Variants in MACROD2 observed in about 807,000 individuals in gnomAD.
MACROD2 encodes ADP-ribose glycohydrolase MACROD2.
A neutral mutation model predicts 70.4 loss-of-function variants in MACROD2; 36 were observed. The ratio of observed to expected loss-of-function variants is 0.51; its 90% CI spans 0.39 to 0.68. The LOEUF (loss-of-function observed/expected upper bound fraction) is 0.68, where lower values mean the gene tolerates loss of function less well. MACROD2 is among the 30% of genes least tolerant of loss of function. The probability of loss-of-function intolerance (pLI) is 0.00; values close to 1 mark genes in which losing one functional copy is unlikely to be tolerated. For synonymous variants in MACROD2, 172 were observed against 178.8 expected (o/e 0.96, Z 0.30); for missense variants, 496 against 538.4 (o/e 0.92, Z 0.78).
At chr20:15,626,747 C>T (rs2049208383) in intron 8 of MACROD2, among the ~76,000 whole-genome samples, 2 of 151,972 alleles carry the variant, frequency 1.3e-5, no homozygotes, top group Admixed American at 1.3e-4. Flanking sequence ...CCCAGCTACT[C>T]AGGAGGCTGA....
intron 5 of MACROD2, among the ~76,000 whole-genome samples, chr20:14,818,825 GTTTTTTTTTTTTTTT>G (rs754477468): frequency 1.3e-5 from 1 of 78,376 alleles, no homozygotes; most frequent in African/African-American, 5.4e-5. Flanking sequence ...TCTTCCTTAG[GTTTTTTTTTTTTTTT>G]TTTTTTTTTT....
chr20:14,846,768 C>T (rs779960000), intron 5 of MACROD2, among the ~76,000 whole-genome samples: 3 of 152,234 alleles, frequency 2.0e-5, no homozygotes, highest in Non-Finnish European at 4.4e-5. Context: ...CCGCCTGTCT[C>T]GGCCTCCCAA....
chr20:15,179,871 A>G (rs2076488360), intron 5 of MACROD2, among the ~76,000 whole-genome samples: 1 of 152,234 alleles, frequency 6.6e-6, no homozygotes, highest in South Asian at 2.1e-4. Flanking sequence ...TAGGGATGCC[A>G]TGACAAAATA....
intron 9 of MACROD2, among the ~76,000 whole-genome samples, chr20:15,880,989 A>C (rs938796881): frequency 1.3e-5 from 2 of 151,998 alleles, no homozygotes; most frequent in East Asian, 1.9e-4. Flanking sequence ...TTCCCAATAC[A>C]ACTTCTGTTT....
intron 5 of MACROD2, among the ~76,000 whole-genome samples, chr20:14,769,367 A>G (rs959461228): frequency 9.2e-5 from 14 of 152,108 alleles, no homozygotes; most frequent in Non-Finnish European, 1.6e-4. Context: ...AGAAATTTGT[A>G]CTACACTTAT....
rs574231728 is a variant in MACROD2, at chr20:15,994,386, T to G, written c.1153+7228T>G. 1.4e-4 allele frequency among the ~76,000 whole-genome samples: 21 copies of G among 152,326 alleles called. No homozygotes were observed. The South Asian group carries it at 4.1e-3, about 30-fold the overall frequency. ...ACAATAATTTTGTATCATTTAGGAT[T>G]TTTATTTTATGTGTTTAAAAAAACT... is the stretch of plus-strand genomic sequence containing the variant. On this transcript the variant is annotated intron_variant, in intron 15 of 17. Transcript: ENST00000684519.
chr20:14,311,388 G>A (rs6110240), intron 3 of MACROD2, among the ~76,000 whole-genome samples: 1 of 152,136 alleles, frequency 6.6e-6, no homozygotes, highest in African/African-American at 2.4e-5. Context: ...CCATATCCTA[G>A]GTGTGTAGTA....
At chr20:14,981,854 G>A (rs1405489260) in intron 5 of MACROD2, among the ~76,000 whole-genome samples, 1 of 151,240 alleles carries the variant, frequency 6.6e-6, no homozygotes, top group East Asian at 1.9e-4. Flanking sequence ...TACCAGTAGA[G>A]TAGGGTGTTG....
At chr20:14,955,296 A>G (rs2074525872) in intron 5 of MACROD2, among the ~76,000 whole-genome samples, 1 of 142,092 alleles carries the variant, frequency 7.0e-6, no homozygotes, top group Non-Finnish European at 1.5e-5. Context: ...TATATAATAT[A>G]ATATAATTTT....
intron 3 of MACROD2, among the ~76,000 whole-genome samples, chr20:14,112,892 C>G (rs1301042832): frequency 1.3e-5 from 2 of 151,824 alleles, no homozygotes; most frequent in African/African-American, 2.4e-5. Flanking sequence ...ATCTATACAA[C>G]TTTAGGAGTT....
At position 15,009,261 on chromosome 20, in the gene MACROD2, A is replaced by T. The variant is rs963186793; in HGVS notation, c.419-220679A>T. Among the ~76,000 whole-genome samples, 10 of 152,280 alleles carry T rather than the reference A, an allele frequency of 6.6e-5. No individual in the cohort carries two copies. The South Asian group carries it at 2.1e-3, about 32-fold the overall frequency. On this transcript the variant is annotated intron_variant, in intron 5 of 17. Coordinates refer to ENST00000684519, the MANE Select transcript of MACROD2 (RefSeq NM_001351661.2). ...AACACTCCACCAAGAGTAGTTTTAA[A>T]ATATGCCCCTTAAGTTGATTCCTCC...
At chr20:15,969,411 C>T (rs943316997) in intron 13 of MACROD2, among the ~76,000 whole-genome samples, 4 of 151,786 alleles carry the variant, frequency 2.6e-5, no homozygotes, top group Non-Finnish European at 5.9e-5. Flanking sequence ...GTTATGAACA[C>T]AAAGTATTAG....
intron 4 of MACROD2, among the ~76,000 whole-genome samples, chr20:14,515,353 A>AT (rs1568648641): frequency 6.6e-6 from 1 of 151,988 alleles, no homozygotes; most frequent in Non-Finnish European, 1.5e-5. Context: ...TGCCAAAGAG[A>AT]TATCTGCACT....
chr20:14,049,287 G>T (rs947625777), intron 2 of MACROD2, among the ~76,000 whole-genome samples: 1 of 151,780 alleles, frequency 6.6e-6, no homozygotes, highest in African/African-American at 2.4e-5. Context: ...AAAGTAGATG[G>T]ACTGAGAGGG....
chr20:15,172,843 T>A (rs1236185050), intron 5 of MACROD2, among the ~76,000 whole-genome samples: 1 of 152,212 alleles, frequency 6.6e-6, no homozygotes, highest in Non-Finnish European at 1.5e-5. Context: ...ATACAATTAA[T>A]TGGGGAAGCA....
chr20:14,095,870 C>T (rs2054217099), intron 3 of MACROD2, among the ~76,000 whole-genome samples: 1 of 152,168 alleles, frequency 6.6e-6, no homozygotes, highest in African/African-American at 2.4e-5. Context: ...TGTAGTTGAC[C>T]TGCCTTTGAC....
intron 5 of MACROD2, among the ~76,000 whole-genome samples, chr20:14,700,805 C>T (rs1804776594): frequency 6.6e-6 from 1 of 152,054 alleles, no homozygotes; most frequent in Non-Finnish European, 1.5e-5. Flanking sequence ...ATTTTGCTTT[C>T]AAAACAGAAA....
intron 5 of MACROD2, among the ~76,000 whole-genome samples, chr20:14,843,347 A>G (rs1375066092): frequency 6.6e-6 from 1 of 151,708 alleles, no homozygotes. Context: ...TTTATTATAT[A>G]TATATACTTT....
chr20:14,709,973 T>G (rs572605775), intron 5 of MACROD2, among the ~76,000 whole-genome samples: 74 of 152,322 alleles, frequency 4.9e-4, no homozygotes, highest in Admixed American at 3.6e-3. Flanking sequence ...ACATATTTTC[T>G]AATTGATCAA....
Sources: allele counts gnomAD v4.1 joint callset (sites outside exome capture counted in the v4.1 genomes callset), GRCh38; gene constraint gnomAD v4.1.1; transcripts MANE v1.5; gene names NCBI Gene and HGNC (gene_info 2026-07-23, HGNC 2026-07-21).